NOX5: variants seen among roughly 807,000 people sequenced by gnomAD.
NOX5 encodes NADPH oxidase 5.
A neutral mutation model predicts 85.7 loss-of-function variants in NOX5; 76 were observed. The observed-to-expected ratio is 0.89, with a 90% confidence interval of 0.74 to 1.07. NOX5 has a LOEUF of 1.07. Among genes scored for constraint, NOX5 ranks in the 50% least tolerant of loss-of-function variants. The pLI, the probability that NOX5 is intolerant of heterozygous loss-of-function variation, is 0.00. For synonymous variants in NOX5, 405 were observed against 401.4 expected (o/e 1.01, Z -0.11); for missense variants, 973 against 999.5 (o/e 0.97, Z 0.36).
intron 14 of NOX5, among the ~76,000 whole-genome samples, chr15:69,052,742 A>T (rs911757533): frequency 1.2e-4 from 18 of 152,202 alleles, no homozygotes; most frequent in Non-Finnish European, 2.6e-4. Flanking sequence ...TTGGAAGATA[A>T]CTCTTCAAGC....
At position 69,056,730 on chromosome 15, in the gene NOX5, C is replaced by T; in HGVS notation, c.*34C>T. ...CTCCAAGCTCTGCCCCAAGTCCACACCATGGGTCTGCTTCATTGCATTAGT... is the reference window on the plus strand; with the variant it reads ...CTCCAAGCTCTGCCCCAAGTCCACATCATGGGTCTGCTTCATTGCATTAGT... On this transcript the variant is annotated 3_prime_UTR_variant, in exon 16 of 16. Transcript: ENST00000388866. 6.2e-7 allele frequency: 1 copy of T among 1,610,396 alleles called. No individual in the cohort carries two copies. Among genetic ancestry groups the T allele is most frequent in the Non-Finnish European group, 8.5e-7 (1 of 1,178,670 alleles).
chr15:69,020,927 A>C (rs967881093), intron 1 of NOX5, among the ~76,000 whole-genome samples: 5 of 152,132 alleles, frequency 3.3e-5, no homozygotes, highest in African/African-American at 9.7e-5. Context: ...ACATAATAAA[A>C]ACTATTTTTC....
chr15:69,051,870 C>T (rs1008634413), intron 14 of NOX5, among the ~76,000 whole-genome samples: 1 of 151,530 alleles, frequency 6.6e-6, no homozygotes, highest in Admixed American at 6.6e-5. Flanking sequence ...GATTAAATAC[C>T]TTAACATACA....
Position 69,035,790 on chromosome 15 carries a change from C to T in NOX5, c.1042C>T (p.Gln348Ter), listed in dbSNP as rs1311242821. 6.2e-7 allele frequency: 1 copy of T among 1,614,172 alleles called. No homozygotes were observed. The highest frequency in any genetic ancestry group is 8.5e-7 in the Non-Finnish European group (1 of 1,180,028). The change falls in exon 7 of 16, where the codon CAG becomes TAG. Residue 348 changes from glutamine (Q) to a stop codon, truncating the protein, a stop_gained. Coordinates refer to ENST00000388866, the MANE Select transcript of NOX5 (RefSeq NM_024505.4). LOFTEE classifies it high-confidence loss of function. ...LQAQAEASPF[Q>*]FWELLLTTRP... ...GGCTCAGGCGGAGGCCAGCCCTTTCCAGTTCTGGGAGCTGCTGCTCACCAC... is the reference window on the plus strand; with the variant it reads ...GGCTCAGGCGGAGGCCAGCCCTTTCTAGTTCTGGGAGCTGCTGCTCACCAC...
In NOX5 at chr15:69,058,975, A is replaced by G. The variant is rs1203138072; in HGVS notation, c.*2279A>G. ...ACACATGCACTCAATGCACACACAC[A>G]CATGCATGTCACCGTTTTGGATTCT... On this transcript the variant is annotated 3_prime_UTR_variant, in exon 16 of 16. Transcript: ENST00000388866. The G allele has an allele frequency of 1.3e-5, 2 of 152,220 alleles. No individual in the cohort carries two copies. The highest frequency in any genetic ancestry group is 3.9e-4 in the East Asian group (2 of 5,188). 9.4% of individuals were successfully genotyped at this position (152,220 alleles called of 1,614,324 possible).
At position 69,035,920 on chromosome 15, in the gene NOX5, G is replaced by A; in HGVS notation, c.1172G>A (p.Arg391Lys). Residue 391 changes from arginine (R) to lysine (K), a missense_variant, in exon 7 of 16, where the codon AGG becomes AAG. Physicochemically the swap from Arg to Lys is conservative, Grantham distance 26. Coordinates refer to ENST00000388866, the MANE Select transcript of NOX5 (RefSeq NM_024505.4). Reference protein sequence around the residue: ...MFICSSSCIRRSGHFEVFYWT... With the variant: ...MFICSSSCIRKSGHFEVFYWT... The stretch of plus-strand genomic sequence containing the variant: ...ATCTGCTCCAGTTCCTGCATCCGCA[G>A]GAGTGGCCACTTTGAGGTGCCCCAG... 2 of 1,614,178 alleles carry A rather than the reference G, an allele frequency of 1.2e-6. No homozygotes were observed. Among genetic ancestry groups the A allele is most frequent in the Non-Finnish European group, 1.7e-6 (2 of 1,180,020 alleles).
intron 3 of NOX5, chr15:69,030,002 G>A (rs979087581): frequency 6.6e-6 from 1 of 152,160 alleles, no homozygotes; most frequent in African/African-American, 2.4e-5. Context: ...TTTGATAATA[G>A]CCATCCTAAT....
At position 69,055,478 on chromosome 15, in the gene NOX5, C is replaced by A. The variant is rs1162855199; in HGVS notation, c.2144C>A (p.Pro715His). Residue 715 changes from proline to histidine, a missense_variant, in exon 15 of 16, where the codon CCT becomes CAT. Coordinates refer to ENST00000388866, the MANE Select transcript of NOX5 (RefSeq NM_024505.4). Reference sequence around the variant, plus strand: ...ACGGGGCTGCAGACGCGCACCCAGCCTGGGCGGCCTGACTGGAGCAAGGTA... The same window carrying A: ...ACGGGGCTGCAGACGCGCACCCAGCATGGGCGGCCTGACTGGAGCAAGGTA... The part of the protein sequence containing the change: ...SITGLQTRTQ[P>H]GRPDWSKVFQ... 6 of 1,613,938 alleles carry A rather than the reference C, an allele frequency of 3.7e-6. No individual in the cohort carries two copies. Among genetic ancestry groups the A allele is most frequent in the Non-Finnish European group, 5.1e-6 (6 of 1,180,034 alleles).
chr15:69,024,752 G>A (rs1595769878), intron 1 of NOX5, among the ~76,000 whole-genome samples: 1 of 152,204 alleles, frequency 6.6e-6, no homozygotes, highest in African/African-American at 2.4e-5. Context: ...ACTATTTGCA[G>A]TTTCAGGCAT....
intron 11 of NOX5, chr15:69,047,106 G>C (rs1360378480): frequency 1.7e-6 from 1 of 588,592 alleles, no homozygotes. Context: ...TGGGTGTACA[G>C]TGTATAGGCC....
In NOX5 at chr15:69,035,842, G is replaced by A. The variant is rs2050508493; in HGVS notation, c.1094G>A (p.Gly365Asp). The part of the protein sequence containing the change: ...TTRPGIGWVH[G>D]SASPTGVALL... ...AGGCCTGGCATTGGCTGGGTACACG[G>A]TTCGGCCTCCCCGACAGGTGTCGCT... Residue 365 changes from glycine (G) to aspartate (D), a missense_variant, in exon 7 of 16, where the codon GGT becomes GAT. Coordinates refer to ENST00000388866, the MANE Select transcript of NOX5 (RefSeq NM_024505.4). 6.2e-7 allele frequency: 1 copy of A among 1,614,072 alleles called. No individual in the cohort carries two copies. Among genetic ancestry groups the A allele is most frequent in the Non-Finnish European group, 8.5e-7 (1 of 1,180,038 alleles).
chr15:69,023,163 G>T, intron 1 of NOX5: 1 of 335,412 alleles, frequency 3.0e-6, no homozygotes, highest in Non-Finnish European at 5.6e-6. Flanking sequence ...GAAGACTGAA[G>T]CCACGGAGAC....
Position 69,035,334 on chromosome 15 carries a change from C to T in NOX5, c.856-20C>T, listed in dbSNP as rs745428832. 8 of 1,611,988 alleles carry T rather than the reference C, an allele frequency of 5.0e-6. No individual in the cohort carries two copies. The East Asian group carries it at 1.1e-4, about 22-fold the overall frequency. ...CAGACAGAGAGTGAGGCAGGGCTCT[C>T]TCCCACTCTGCCTGGCCAGGTGCTG... On this transcript the variant is annotated intron_variant, in intron 5 of 15. Transcript: ENST00000388866.
At chr15:69,041,919 T>A (rs2050599585) in intron 9 of NOX5, among the ~76,000 whole-genome samples, 1 of 152,090 alleles carries the variant, frequency 6.6e-6, no homozygotes, top group African/African-American at 2.4e-5. Context: ...GTTAGTGTAT[T>A]TTATGTGTGG....
chr15:69,025,155 G>T, intron 1 of NOX5, among the ~76,000 whole-genome samples: 1 of 152,174 alleles, frequency 6.6e-6, no homozygotes, highest in East Asian at 1.9e-4. Context: ...CGATCAATAA[G>T]TTGCCTTGTT....
chr15:69,058,270 T>A lies in NOX5; in HGVS notation c.*1574T>A, dbSNP rs1268689600. On this transcript the variant is annotated 3_prime_UTR_variant, in exon 16 of 16. Transcript: ENST00000388866. ...AACCTGGATGATGATGTCCCTTATCTAAGGTGGGGCTGGGATGCAGCAGTA... is the reference window on the plus strand; with the variant it reads ...AACCTGGATGATGATGTCCCTTATCAAAGGTGGGGCTGGGATGCAGCAGTA... 3 of 152,078 alleles carry A rather than the reference T, an allele frequency of 2.0e-5. No homozygotes were observed. The highest frequency in any genetic ancestry group is 1.3e-4 in the Admixed American group (2 of 15,248). 9.4% of individuals were successfully genotyped at this position (152,078 alleles called of 1,614,324 possible).
At position 69,049,044 on chromosome 15, in the gene NOX5, A is replaced by G. The variant is rs914946455; in HGVS notation, c.1985A>G (p.Glu662Gly). ...ACTAAACTGGAGATGGACCAGGCCGAGGAGGCTCAATACGGTAAGAGAGGG... is the reference window on the plus strand; with the variant it reads ...ACTAAACTGGAGATGGACCAGGCCGGGGAGGCTCAATACGGTAAGAGAGGG... ...LLTKLEMDQA[E>G]EAQYGRFLEL... The change falls in exon 14 of 16, where the codon GAG (glutamate) becomes GGG (glycine). Residue 662 changes from glutamate (E) to glycine (G), a missense_variant. Transcript: ENST00000388866. 6.2e-7 allele frequency: 1 copy of G among 1,611,838 alleles called. No individual in the cohort carries two copies.
chr15:69,051,063 C>T (rs910765687), intron 14 of NOX5, among the ~76,000 whole-genome samples: 1 of 152,148 alleles, frequency 6.6e-6, no homozygotes, highest in African/African-American at 2.4e-5. Context: ...CCTGCCTCCC[C>T]TCCTCCCTGC....
At position 69,047,979 on chromosome 15, in the gene NOX5, C is replaced by T; in HGVS notation, c.1899+68C>T. Reference sequence around the variant, plus strand: ...CTGGACAACTCCTAAAATAGGAGCCCATCCTCCTGTGCAAAGGTGGGAGCG... The same window carrying T: ...CTGGACAACTCCTAAAATAGGAGCCTATCCTCCTGTGCAAAGGTGGGAGCG... On this transcript the variant is annotated intron_variant, in intron 13 of 15. Coordinates refer to ENST00000388866, the MANE Select transcript of NOX5 (RefSeq NM_024505.4). 2.1e-6 allele frequency: 3 copies of T among 1,401,908 alleles called. No individual in the cohort carries two copies. The East Asian group carries it at 6.8e-5, about 32-fold the overall frequency. 86.8% of individuals were successfully genotyped at this position (1,401,908 alleles called of 1,614,324 possible).
Sources: allele counts gnomAD v4.1 joint callset (sites outside exome capture counted in the v4.1 genomes callset), GRCh38; gene constraint gnomAD v4.1.1; transcripts MANE v1.5; gene names NCBI Gene and HGNC (gene_info 2026-07-23, HGNC 2026-07-21).